PDE7B: variants seen among roughly 807,000 people sequenced by gnomAD.
PDE7B encodes the protein phosphodiesterase 7B.
PDE7B carries 29 observed loss-of-function variants against 56.2 expected under a neutral mutation model. The observed-to-expected ratio is 0.52, with a 90% CI of 0.38 to 0.70. The LOEUF (loss-of-function observed/expected upper bound fraction) is 0.70, where lower values mean the gene tolerates loss of function less well. Among genes scored for constraint, PDE7B ranks in the 30% least tolerant of loss-of-function variants. The pLI, the probability that PDE7B is intolerant of heterozygous loss-of-function variation, is 0.00. For missense variants in PDE7B, 490 were observed against 565.0 expected (o/e 0.87, Z 1.35); for synonymous variants, 197 against 196.9 (o/e 1.00, Z 0.00).
intron 2 of PDE7B, among the ~76,000 whole-genome samples, chr6:136,065,980 A>G (rs1776929205): frequency 6.6e-6 from 1 of 152,206 alleles, no homozygotes; most frequent in South Asian, 2.1e-4. Flanking sequence ...CCAATTTTAC[A>G]CACCACTGCC....
intron 12 of PDE7B, 73 bp downstream of exon 12, chr6:136,187,189 T>A: frequency 1.3e-6 from 1 of 793,320 alleles, no homozygotes; most frequent in Non-Finnish European, 2.2e-6. Flanking sequence ...AGAAAAGATC[T>A]AAACACAGCT....
intron 2 of PDE7B, chr6:136,012,788 T>C (rs1416546410): frequency 6.6e-6 from 1 of 152,186 alleles, no homozygotes; most frequent in Non-Finnish European, 1.5e-5. Flanking sequence ...AAAAGAAGAA[T>C]ATAATTCCTC....
chr6:136,090,165 A>G (rs1410601924), intron 2 of PDE7B, among the ~76,000 whole-genome samples: 2 of 152,166 alleles, frequency 1.3e-5, no homozygotes, highest in Non-Finnish European at 2.9e-5. Flanking sequence ...ATCAGGGATC[A>G]TCTTCTTCCA....
At chr6:135,995,131 GCC>G (rs1195810985) in intron 2 of PDE7B, among the ~76,000 whole-genome samples, 1 of 152,084 alleles carries the variant, frequency 6.6e-6, no homozygotes, top group Non-Finnish European at 1.5e-5. Flanking sequence ...TTTGGCCCGG[GCC>G]TTTGGTCACA....
At chr6:136,004,781 A>C (rs536349139) in intron 2 of PDE7B, among the ~76,000 whole-genome samples, 8 of 152,294 alleles carry the variant, frequency 5.3e-5, no homozygotes, top group African/African-American at 1.9e-4. Flanking sequence ...ATACTGCCCA[A>C]GGTAATTTAT....
intron 2 of PDE7B, among the ~76,000 whole-genome samples, chr6:136,021,103 A>C (rs1776062464): frequency 6.6e-6 from 1 of 152,168 alleles, no homozygotes; most frequent in South Asian, 2.1e-4. Context: ...ATGTTTAAAT[A>C]CCTTCTGTAT....
chr6:136,167,351 T>C (rs925634678), intron 8 of PDE7B, among the ~76,000 whole-genome samples: 8 of 152,092 alleles, frequency 5.3e-5, no homozygotes, highest in African/African-American at 1.9e-4. Context: ...TTCTGTGTCA[T>C]GGGGGGGAAC....
intron 11 of PDE7B, among the ~76,000 whole-genome samples, chr6:136,181,760 T>TAA (rs1310594439): frequency 7.5e-6 from 1 of 134,190 alleles, no homozygotes; most frequent in African/African-American, 4.1e-5. Flanking sequence ...CCTTGCTTTC[T>TAA]TAAAAAAAAA....
At chr6:136,151,464 T>C (rs1778511919) in intron 6 of PDE7B, among the ~76,000 whole-genome samples, 15 of 152,194 alleles carry the variant, frequency 9.9e-5, no homozygotes, top group Admixed American at 8.5e-4. Flanking sequence ...CCCAAACAAC[T>C]TGGGGGTTAG....
intron 6 of PDE7B, among the ~76,000 whole-genome samples, chr6:136,152,254 A>T (rs756396112): frequency 6.6e-6 from 1 of 152,250 alleles, no homozygotes; most frequent in African/African-American, 2.4e-5. Context: ...GTCTGCTGAC[A>T]TATTAACAAA....
chr6:135,897,895 C>G (rs899366002), intron 1 of PDE7B, among the ~76,000 whole-genome samples: 4 of 152,146 alleles, frequency 2.6e-5, no homozygotes, highest in Admixed American at 2.6e-4. Flanking sequence ...AGCATCTCTG[C>G]AAGTCTGTTG....
At chr6:136,101,711 A>T (rs1458239918) in intron 2 of PDE7B, among the ~76,000 whole-genome samples, 2 of 152,124 alleles carry the variant, frequency 1.3e-5, no homozygotes, top group Non-Finnish European at 2.9e-5. Context: ...GCTGACTCCC[A>T]TACCTAAATG....
intron 2 of PDE7B, among the ~76,000 whole-genome samples, chr6:135,988,931 G>T (rs759527277): frequency 3.0e-4 from 46 of 152,216 alleles, no homozygotes; most frequent in Admixed American, 4.6e-4. Context: ...AAATAAAATC[G>T]ATCTGTCTGT....
At chr6:135,899,956 T>C (rs1775970570) in intron 1 of PDE7B, among the ~76,000 whole-genome samples, 1 of 152,188 alleles carries the variant, frequency 6.6e-6, no homozygotes, top group Non-Finnish European at 1.5e-5. Flanking sequence ...GAATTCTGTG[T>C]TGTATACAAT....
intron 2 of PDE7B, among the ~76,000 whole-genome samples, chr6:136,077,501 C>T (rs1484123877): frequency 6.6e-6 from 1 of 151,884 alleles, no homozygotes; most frequent in East Asian, 1.9e-4. Flanking sequence ...CATTGTAAGC[C>T]TTAGAGTGTT....
At chr6:136,064,088 A>G (rs776594818) in intron 2 of PDE7B, among the ~76,000 whole-genome samples, 103 of 152,316 alleles carry the variant, frequency 6.8e-4, no homozygotes, top group South Asian at 1.2e-3. Context: ...ATGTGATAAA[A>G]CTATGAAAAT....
chr6:136,034,470 A>C (rs1776293132), intron 2 of PDE7B: 1 of 152,214 alleles, frequency 6.6e-6, no homozygotes, highest in Non-Finnish European at 1.5e-5. Context: ...TATTAAAAAG[A>C]AGAAACTTTT....
intron 1 of PDE7B, among the ~76,000 whole-genome samples, chr6:135,877,248 C>A (rs566884248): frequency 7.7e-4 from 116 of 151,074 alleles, no homozygotes; most frequent in African/African-American, 1.4e-3. Flanking sequence ...GATTTCCTTT[C>A]TTTTTTATTT....
intron 2 of PDE7B, among the ~76,000 whole-genome samples, chr6:136,007,845 T>TA (rs1335312138): frequency 1.3e-5 from 2 of 152,048 alleles, no homozygotes; most frequent in African/African-American, 4.8e-5. Context: ...CTTTTTTTTT[T>TA]ATTATACTTT....
Sources: gnomAD v4.1 joint callset for allele counts (sites outside exome capture counted in the v4.1 genomes callset) on GRCh38, gnomAD v4.1.1 for gene constraint, MANE v1.5 for transcripts, NCBI Gene and HGNC (gene_info 2026-07-23, HGNC 2026-07-21) for gene names.